The following CDC42EP5 variants were observed in gnomAD, a reference collection of about 807,000 sequenced individuals.
CDC42EP5 encodes CDC42 effector protein 5.
For synonymous variants in CDC42EP5, 118 were observed against 123.3 expected (o/e 0.96, Z 0.28); for missense variants, 269 against 238.0 (o/e 1.13, Z -0.86).
rs2084792587 is a variant in CDC42EP5, at chr19:54,468,889, T to TTCCC, written c.-1+2655_-1+2656insGGGA. On this transcript the variant is annotated intron_variant, in intron 2 of 2. Transcript: ENST00000301200. ...TCTTACAACGTGGTAGATACTCTGA[T>TTCCC]TCCTTCCTTCCTTCCTTCCTTCCTT... 3.7e-4 allele frequency among the ~76,000 whole-genome samples: 23 copies of TTCCC among 61,438 alleles called. No homozygotes were observed. The South Asian group carries it at 0.011, about 30-fold the overall frequency. 40.3% of individuals were successfully genotyped at this position (61,438 alleles called of 152,430 possible).
intron 2 of CDC42EP5, among the ~76,000 whole-genome samples, chr19:54,466,678 T>C (rs1254661311): frequency 1.5e-5 from 2 of 131,742 alleles, no homozygotes; most frequent in African/African-American, 2.5e-5. Context: ...TGATAAAAAA[T>C]ACTGGGGAAA....
Position 54,465,083 on chromosome 19 carries a change from C to T in CDC42EP5, c.*18G>A. On this transcript the variant is annotated 3_prime_UTR_variant, in exon 3 of 3. Coordinates refer to ENST00000301200, the MANE Select transcript of CDC42EP5 (RefSeq NM_145057.4). Reference sequence around the variant, plus strand: ...GAAGTGGGGTGCCGGGCGGGAAGGGCGCGGGGAATGAGGGAACCTAGAGGC... The same window carrying T: ...GAAGTGGGGTGCCGGGCGGGAAGGGTGCGGGGAATGAGGGAACCTAGAGGC... 7.6e-7 allele frequency: 1 copy of T among 1,313,406 alleles called. No homozygotes were observed. The highest frequency in any genetic ancestry group is 2.1e-5 in the South Asian group (1 of 46,592). 81.4% of individuals were successfully genotyped at this position (1,313,406 alleles called of 1,614,324 possible).
In CDC42EP5 at chr19:54,465,139, T is replaced by C. The variant is rs2084727402; in HGVS notation, c.409A>G (p.Asn137Asp). ...TQPPQARCRPNADLELNDVIG... is the reference protein window; with the variant it reads ...TQPPQARCRPDADLELNDVIG... Reference sequence around the variant, plus strand: ...ACGTCGTTCAGCTCGAGGTCCGCGTTGGGGCGGCAGCGGGCCTGGGGGGGC... The same window carrying C: ...ACGTCGTTCAGCTCGAGGTCCGCGTCGGGGCGGCAGCGGGCCTGGGGGGGC... Residue 137 changes from asparagine (N) to aspartate (D), a missense_variant, in exon 3 of 3, where the codon AAC becomes GAC. Physicochemically the swap from Asn to Asp is conservative, Grantham distance 23. Coordinates refer to ENST00000301200, the MANE Select transcript of CDC42EP5 (RefSeq NM_145057.4). 1.4e-6 allele frequency: 2 copies of C among 1,394,752 alleles called. No individual in the cohort carries two copies. Among genetic ancestry groups the C allele is most frequent in the Non-Finnish European group, 1.8e-6 (2 of 1,081,098 alleles). 86.4% of individuals were successfully genotyped at this position (1,394,752 alleles called of 1,614,324 possible).
chr19:54,465,378 G>A lies in CDC42EP5; in HGVS notation c.170C>T (p.Pro57Leu), dbSNP rs2084737039. The change falls in exon 3 of 3, where the codon CCC (proline) becomes CTC (leucine). Residue 57 changes from proline (P) to leucine (L), a missense_variant. Physicochemically the swap from Pro to Leu is moderately conservative, Grantham distance 98. Coordinates refer to ENST00000301200, the MANE Select transcript of CDC42EP5 (RefSeq NM_145057.4). Reference protein sequence around the residue: ...SFLSRHGGGPPPEPRAPPAGA... With the variant: ...SFLSRHGGGPLPEPRAPPAGA... ...CGCGGGGGGCGCCCGGGGCTCGGGG[G>A]GCGGCCCGCCGCCGTGGCGGCTCAG... 2.6e-6 allele frequency: 3 copies of A among 1,173,370 alleles called. No individual in the cohort carries two copies. Among genetic ancestry groups the A allele is most frequent in the South Asian group, 7.7e-5 (2 of 26,072 alleles). The allele number at this position is 1,173,370 out of a possible 1,614,324, so 72.7% of individuals were successfully genotyped here. A position where few individuals can be genotyped will look rare whatever the true frequency, so the allele number is the denominator to read the frequency against.
At chr19:54,472,757 G>A (rs1293039273) in intron 1 of CDC42EP5, among the ~76,000 whole-genome samples, 1 of 91,118 alleles carries the variant, frequency 1.1e-5, no homozygotes, top group African/African-American at 4.5e-5. Flanking sequence ...TCAGACCCAG[G>A]AGTCCAGACC....
chr19:54,470,972 C>G (rs772572168), intron 2 of CDC42EP5, among the ~76,000 whole-genome samples: 4 of 152,240 alleles, frequency 2.6e-5, no homozygotes, highest in Admixed American at 1.3e-4. Context: ...GCCACCTCTG[C>G]GCCCTAGCTC....
intron 2 of CDC42EP5, 27 bp from the exon 3 acceptor site, chr19:54,465,574 C>G: frequency 6.9e-7 from 1 of 1,446,076 alleles, no homozygotes; most frequent in Admixed American, 2.9e-5. Context: ...AGGGTCAGCG[C>G]GGCCCCAGCC....
chr19:54,471,878 GC>G (rs1225301690), intron 1 of CDC42EP5, among the ~76,000 whole-genome samples, 193 bp from the exon 2 acceptor site: 1 of 104,498 alleles, frequency 9.6e-6, no homozygotes, highest in African/African-American at 3.8e-5. Context: ...AGACCCCCCA[GC>G]CCCTCCTCCC....
chr19:54,468,080 G>A (rs1221641735), intron 2 of CDC42EP5, among the ~76,000 whole-genome samples: 2 of 152,010 alleles, frequency 1.3e-5, no homozygotes, highest in Non-Finnish European at 2.9e-5. Context: ...CTTCCTTTCA[G>A]GATACATAGA....
chr19:54,469,896 C>A (rs1172378574), intron 2 of CDC42EP5, among the ~76,000 whole-genome samples: 1 of 151,902 alleles, frequency 6.6e-6, no homozygotes, highest in East Asian at 1.9e-4. Context: ...ACCTCGCATC[C>A]CCCTTCCATT....
Position 54,465,467 on chromosome 19 carries a change from G to T in CDC42EP5, c.81C>A (p.Leu27=). ...CGTGCAGCGTGTGCCGGAAGTCGCC[G>T]AGCGGCGCGGAGATGGACAGGGCGC... ...DRGALSISAP[L]GDFRHTLHVG... is the part of the protein sequence containing the mutation. Residue 27 remains leucine, a synonymous_variant, in exon 3 of 3, where the codon CTC becomes CTA. Transcript: ENST00000301200. 1 of 1,516,742 alleles carries T rather than the reference G, an allele frequency of 6.6e-7. No individual in the cohort carries two copies. Among genetic ancestry groups the T allele is most frequent in the South Asian group, 1.2e-5 (1 of 82,066 alleles). 94.0% of individuals were successfully genotyped at this position (1,516,742 alleles called of 1,614,324 possible).
intron 2 of CDC42EP5, among the ~76,000 whole-genome samples, chr19:54,468,168 C>T (rs1166498625): frequency 6.6e-6 from 1 of 151,988 alleles, no homozygotes; most frequent in Non-Finnish European, 1.5e-5. Context: ...AAAATATTTC[C>T]CTAACAATAA....
At position 54,465,342 on chromosome 19, in the gene CDC42EP5, C is replaced by T; in HGVS notation, c.206G>A (p.Arg69His). 2 of 1,167,068 alleles carry T rather than the reference C, an allele frequency of 1.7e-6. No individual in the cohort carries two copies. Among genetic ancestry groups the T allele is most frequent in the Non-Finnish European group, 2.1e-6 (2 of 946,724 alleles). The allele number at this position is 1,167,068 out of a possible 1,614,324, so 72.3% of individuals were successfully genotyped here. A position where few individuals can be genotyped will look rare whatever the true frequency, so the allele number is the denominator to read the frequency against. The change falls in exon 3 of 3, where the codon CGC becomes CAC. Residue 69 changes from arginine to histidine, a missense_variant. Physicochemically the swap from Arg to His is conservative, Grantham distance 29. Coordinates refer to ENST00000301200, the MANE Select transcript of CDC42EP5 (RefSeq NM_145057.4). ...CGGGACGGCGGGCGGCGGCGGGGAG[C>T]GCGGGGCCCCCGCGGGGGGCGCCCG... ...EPRAPPAGAPRSPPPPAVPQS... is the reference protein window; with the variant it reads ...EPRAPPAGAPHSPPPPAVPQS...
At chr19:54,471,244 G>T (rs909764490) in intron 2 of CDC42EP5, among the ~76,000 whole-genome samples, 1 of 152,114 alleles carries the variant, frequency 6.6e-6, no homozygotes, top group Non-Finnish European at 1.5e-5. Context: ...TCTCTTTCCT[G>T]CTGGGGCAGG....
chr19:54,465,316 G>A lies in CDC42EP5; in HGVS notation c.232C>T (p.Gln78Ter). ...TCGGCAGGCGAGGGCGCTGCGGACT[G>A]CGGGACGGCGGGCGGCGGCGGGGAG... ...PRSPPPPAVPQSAAPSPADPL... is the reference protein window; with the variant it reads ...PRSPPPPAVP The change falls in exon 3 of 3, where the codon CAG becomes TAG. Residue 78 changes from glutamine (Q) to a stop codon, truncating the protein, a stop_gained. Transcript: ENST00000301200. LOFTEE classifies it low-confidence loss of function (END_TRUNC). 1 of 1,205,334 alleles carries A rather than the reference G, an allele frequency of 8.3e-7. No homozygotes were observed. 74.7% of individuals were successfully genotyped at this position (1,205,334 alleles called of 1,614,324 possible). A position where few individuals can be genotyped will look rare whatever the true frequency, so the allele number is the denominator to read the frequency against.
intron 2 of CDC42EP5, among the ~76,000 whole-genome samples, chr19:54,468,916 C>CTTTCT (rs2084794421): frequency 1.6e-5 from 1 of 64,376 alleles, no homozygotes; most frequent in South Asian, 5.6e-4. Context: ...TCCTTCCTTC[C>CTTTCT]TTCCTTCTTT....
intron 1 of CDC42EP5, 126 bp from the exon 2 acceptor site, chr19:54,471,811 AC>A: frequency 1.2e-5 from 2 of 166,090 alleles, no homozygotes; most frequent in Non-Finnish European, 2.6e-5. Flanking sequence ...TCTTAATCCC[AC>A]CCCAGACCCG....
intron 2 of CDC42EP5, among the ~76,000 whole-genome samples, chr19:54,470,102 T>C (rs2084814708): frequency 6.6e-6 from 1 of 152,154 alleles, no homozygotes; most frequent in Admixed American, 6.6e-5. Flanking sequence ...GCGCCGTGGC[T>C]CACACCTACA....
chr19:54,470,374 GAAGAA>G (rs138080954), intron 2 of CDC42EP5, among the ~76,000 whole-genome samples: 21,017 of 142,750 alleles, frequency 0.15, 1,878 homozygotes, highest in Middle Eastern at 0.28. Context: ...CCTGTCTCAA[GAAGAA>G]AAGAAAAGAA....
Sources: allele counts gnomAD v4.1 joint callset (sites outside exome capture counted in the v4.1 genomes callset), GRCh38; gene constraint gnomAD v4.1.1; transcripts MANE v1.5; gene names NCBI Gene and HGNC (gene_info 2026-07-23, HGNC 2026-07-21).